INO80: variants seen among roughly 807,000 people sequenced by gnomAD.
INO80 encodes chromatin-remodeling ATPase INO80.
A neutral mutation model predicts 203.4 loss-of-function variants in INO80; 20 were observed. That is an observed-to-expected ratio of 0.10 (90% CI 0.07 to 0.14). The LOEUF is 0.14. INO80 is among the 10% of genes least tolerant of loss of function. INO80 has a pLI of 1.00. For missense variants in INO80, 1,419 were observed against 1,914.4 expected, an observed-to-expected ratio of 0.74 and a Z score of 4.83; for synonymous variants, 726 against 685.2, an observed-to-expected ratio of 1.06 and a Z score of -0.93.
chr15:41,046,984 T>C (rs908192250), intron 23 of INO80, among the ~76,000 whole-genome samples: 1 of 151,594 alleles, frequency 6.6e-6, no homozygotes, highest in Non-Finnish European at 1.5e-5. Context: ...GTTGCCTCAA[T>C]TGATCCAGGC....
intron 24 of INO80, among the ~76,000 whole-genome samples, chr15:41,034,605 G>A (rs1363981586): frequency 6.6e-6 from 1 of 152,202 alleles, no homozygotes; most frequent in Non-Finnish European, 1.5e-5. Context: ...TCTGCCTTAA[G>A]ATGACAAAGC....
chr15:41,017,344 G>A (rs2044226248), intron 26 of INO80: 1 of 152,202 alleles, frequency 6.6e-6, no homozygotes, highest in South Asian at 2.1e-4. Flanking sequence ...ATTAAGAGGG[G>A]AAGAGTTTAG....
chr15:41,096,129 G>A, intron 2 of INO80, 39 bp downstream of exon 2: 1 of 1,551,658 alleles, frequency 6.4e-7, no homozygotes, highest in Non-Finnish European at 8.7e-7. Context: ...TGGAAATCAG[G>A]AATTTGGTAA....
chr15:41,010,329 T>G (rs190096789), intron 27 of INO80, among the ~76,000 whole-genome samples: 1 of 152,158 alleles, frequency 6.6e-6, no homozygotes, highest in Non-Finnish European at 1.5e-5. Context: ...TAATTTTTTT[T>G]CCCCCAGGAT....
chr15:40,983,691 G>T, intron 34 of INO80, 71 bp downstream of exon 34: 1 of 1,359,174 alleles, frequency 7.4e-7, no homozygotes, highest in South Asian at 1.2e-5. Flanking sequence ...AAGGAATCAG[G>T]ACCTTACCCA....
At chr15:41,017,336 T>C (rs2044226081) in intron 26 of INO80, 1 of 152,140 alleles carries the variant, frequency 6.6e-6, no homozygotes, top group Non-Finnish European at 1.5e-5. Flanking sequence ...TTGCTGTCAT[T>C]AAGAGGGGAA....
intron 12 of INO80, 78 bp downstream of exon 12, chr15:41,071,771 C>A: frequency 7.6e-7 from 1 of 1,323,780 alleles, no homozygotes; most frequent in Non-Finnish European, 1.1e-6. Flanking sequence ...AGATCTTGTA[C>A]TCATTTCACA....
intron 29 of INO80, among the ~76,000 whole-genome samples, chr15:40,988,241 G>C (rs988713476): frequency 2.6e-5 from 4 of 152,008 alleles, no homozygotes; most frequent in African/African-American, 7.3e-5. Flanking sequence ...GTAGTGTTTA[G>C]TACATTAATA....
At chr15:41,046,088 CAAGTA>C (rs985979406) in intron 23 of INO80, among the ~76,000 whole-genome samples, 7 of 150,560 alleles carry the variant, frequency 4.6e-5, no homozygotes, top group Non-Finnish European at 1.0e-4. Flanking sequence ...CCTGTAGAAA[CAAGTA>C]AACAAGACTT....
chr15:41,071,541 G>A (rs533089301), intron 12 of INO80, among the ~76,000 whole-genome samples: 3 of 137,298 alleles, frequency 2.2e-5, no homozygotes, highest in African/African-American at 5.4e-5. Context: ...CGCAATCTCC[G>A]CCTCCCAGAT....
At chr15:40,984,011 G>T in intron 33 of INO80, 90 bp from the exon 34 acceptor site, 1 of 1,483,288 alleles carries the variant, frequency 6.7e-7, no homozygotes, top group South Asian at 1.2e-5. Flanking sequence ...CACAGTTGAG[G>T]CTGCTTTGGC....
chr15:41,034,408 C>A (rs1234867436), intron 24 of INO80, among the ~76,000 whole-genome samples: 1 of 152,114 alleles, frequency 6.6e-6, no homozygotes, highest in Non-Finnish European at 1.5e-5. Context: ...TGACCTCACA[C>A]AGCTTACCAA....
At chr15:41,092,213 T>C (rs1445214177) in intron 4 of INO80, 31 bp from the exon 5 acceptor site, 1 of 1,551,928 alleles carries the variant, frequency 6.4e-7, no homozygotes, top group Non-Finnish European at 8.8e-7. Context: ...AATGTATCTT[T>C]TGCTGTGAAG....
intron 7 of INO80, among the ~76,000 whole-genome samples, chr15:41,085,149 C>T (rs1000765607): frequency 5.3e-5 from 8 of 152,168 alleles, no homozygotes; most frequent in East Asian, 1.9e-4. Flanking sequence ...TTTTTGACCA[C>T]GGAGCATCAC....
intron 24 of INO80, among the ~76,000 whole-genome samples, chr15:41,042,850 C>T (rs1000557252): frequency 6.6e-6 from 1 of 152,166 alleles, no homozygotes; most frequent in African/African-American, 2.4e-5. Flanking sequence ...AATATACATA[C>T]ATATGTTGGA....
In INO80 at chr15:41,116,001, C is replaced by A. The variant is rs2046029783; in HGVS notation, c.-72G>T. 1 of 382,308 alleles carries A rather than the reference C, an allele frequency of 2.6e-6. No individual in the cohort carries two copies. Among genetic ancestry groups the A allele is most frequent in the South Asian group, 1.3e-4 (1 of 7,678 alleles). The allele number at this position is 382,308 out of a possible 1,614,324, so 23.7% of individuals were successfully genotyped here. ...GGGCCGCCTGGCCCCGCCGCCGCGA[C>A]GGCGGCGGAGGGGGGGCGGGGTGCG... On this transcript the variant is annotated 5_prime_UTR_variant, in exon 1 of 36. Transcript: ENST00000648947.
intron 15 of INO80, among the ~76,000 whole-genome samples, chr15:41,059,020 T>C (rs1049811112): frequency 6.6e-6 from 1 of 152,104 alleles, no homozygotes; most frequent in Non-Finnish European, 1.5e-5. Flanking sequence ...AGCGTGAACA[T>C]GGCTCACTGC....
intron 23 of INO80, among the ~76,000 whole-genome samples, chr15:41,046,082 T>C (rs1356554690): frequency 2.0e-5 from 3 of 150,926 alleles, no homozygotes; most frequent in Admixed American, 6.6e-5. Flanking sequence ...GTTTGCCCTG[T>C]AGAAACAAGT....
chr15:41,093,895 A>C (rs2045681168), intron 4 of INO80, among the ~76,000 whole-genome samples: 1 of 152,206 alleles, frequency 6.6e-6, no homozygotes, highest in Non-Finnish European at 1.5e-5. Flanking sequence ...ATTTTATGAC[A>C]ATGAATTATA....
Sources: gnomAD v4.1 joint callset for allele counts (sites outside exome capture counted in the v4.1 genomes callset) on GRCh38, gnomAD v4.1.1 for gene constraint, MANE v1.5 for transcripts, NCBI Gene and HGNC (gene_info 2026-07-23, HGNC 2026-07-21) for gene names.